The following MDM4 variants were observed in gnomAD, a reference collection of about 807,000 sequenced individuals.
MDM4 encodes protein Mdm4.
A neutral mutation model predicts 60.2 loss-of-function variants in MDM4; 2 were observed. The ratio of observed to expected loss-of-function variants is 0.03; its 90% CI spans 0.01 to 0.10. The LOEUF is 0.10. MDM4 is among the 10% of genes least tolerant of loss of function. The pLI is 1.00. For missense variants in MDM4, 447 were observed against 577.5 expected (o/e 0.77, Z 2.32); for synonymous variants, 202 against 198.1 (o/e 1.02, Z -0.17).
intron 9 of MDM4, among the ~76,000 whole-genome samples, chr1:204,546,026 TTC>T (rs1162181286): frequency 6.6e-6 from 1 of 152,168 alleles, no homozygotes; most frequent in Admixed American, 6.5e-5. Flanking sequence ...TTTTGTTTGT[TTC>T]TGTTTCTGTG....
chr1:204,553,977 A>T lies in MDM4; in HGVS notation c.*4295A>T, dbSNP rs1183010877. 1 of 224,906 alleles carries T rather than the reference A, an allele frequency of 4.4e-6. No individual in the cohort carries two copies. The highest frequency in any genetic ancestry group is 6.5e-5 in the East Asian group (1 of 15,472). The allele number at this position is 224,906 out of a possible 1,614,324, so 13.9% of individuals were successfully genotyped here. A position where few individuals can be genotyped will look rare whatever the true frequency, so the allele number is the denominator to read the frequency against. ...GTAATGTAAGATTGAGTCACTGCCA[A>T]GCATTTGAAATATGCAGTTGTGTTT... On this transcript the variant is annotated 3_prime_UTR_variant, in exon 11 of 11. Transcript: ENST00000367182.
intron 5 of MDM4, among the ~76,000 whole-genome samples, chr1:204,535,323 A>T (rs540086220): frequency 1.3e-4 from 20 of 151,674 alleles, no homozygotes; most frequent in African/African-American, 4.8e-4. Flanking sequence ...ATGCCTGGCT[A>T]ATTTTTTATA....
intron 1 of MDM4, among the ~76,000 whole-genome samples, chr1:204,518,889 C>T (rs1659267400): frequency 6.6e-6 from 1 of 152,230 alleles, no homozygotes; most frequent in Non-Finnish European, 1.5e-5. Context: ...TGGTCTTGAA[C>T]TCCTGGCCTC....
chr1:204,534,083 G>T (rs1370757981), intron 5 of MDM4, among the ~76,000 whole-genome samples: 1 of 152,150 alleles, frequency 6.6e-6, no homozygotes, highest in African/African-American at 2.4e-5. Context: ...ACCGCCCCCA[G>T]ACCTAAATCA....
chr1:204,541,213 C>A (rs1248396319), intron 7 of MDM4, among the ~76,000 whole-genome samples: 4 of 152,154 alleles, frequency 2.6e-5, no homozygotes, highest in Admixed American at 2.0e-4. Context: ...AATCCCAGCA[C>A]TTTGGGAGGC....
At chr1:204,521,640 C>A (rs1279856729) in intron 1 of MDM4, among the ~76,000 whole-genome samples, 1 of 152,150 alleles carries the variant, frequency 6.6e-6, no homozygotes, top group Non-Finnish European at 1.5e-5. Flanking sequence ...GGAATTGTCA[C>A]ATTATCACCT....
chr1:204,535,621 C>T (rs979944182), intron 5 of MDM4, among the ~76,000 whole-genome samples: 1 of 152,074 alleles, frequency 6.6e-6, no homozygotes, highest in African/African-American at 2.4e-5. Flanking sequence ...GCAACCTCTG[C>T]CTCCTGGGTT....
At chr1:204,522,879 TGA>T (rs1659707435) in intron 1 of MDM4, among the ~76,000 whole-genome samples, 1 of 146,948 alleles carries the variant, frequency 6.8e-6, no homozygotes, top group African/African-American at 2.5e-5. Context: ...TTTTTTTTTT[TGA>T]GATGGAGTTT....
At chr1:204,536,726 A>C (rs1459426717) in intron 5 of MDM4, among the ~76,000 whole-genome samples, 1 of 152,212 alleles carries the variant, frequency 6.6e-6, no homozygotes, top group East Asian at 1.9e-4. Flanking sequence ...GATTAATGTA[A>C]TATCTAAGAA....
chr1:204,529,580 G>A (rs1056868651), intron 3 of MDM4: 12 of 1,403,262 alleles, frequency 8.6e-6, no homozygotes, highest in South Asian at 1.4e-5. Flanking sequence ...GGGGTAGCAC[G>A]CTGCCATACT....
At position 204,554,050 on chromosome 1, in the gene MDM4, A is replaced by G. The variant is rs930271182; in HGVS notation, c.*4368A>G. On this transcript the variant is annotated 3_prime_UTR_variant, in exon 11 of 11. Coordinates refer to ENST00000367182, the MANE Select transcript of MDM4 (RefSeq NM_002393.5). ...AGATGTATGTAGTGCATTGTGTGGT[A>G]TTATTTGGTTTGTAAGAATTTATTT... 1.8e-5 allele frequency: 4 copies of G among 226,984 alleles called. No homozygotes were observed. The highest frequency in any genetic ancestry group is 8.9e-5 in the African/African-American group (4 of 45,012). The allele number at this position is 226,984 out of a possible 1,614,324, so 14.1% of individuals were successfully genotyped here.
chr1:204,537,547 T>G (rs779416117), intron 6 of MDM4, 50 bp downstream of exon 6: 4 of 1,311,674 alleles, frequency 3.0e-6, no homozygotes. Context: ...TGGCCCCTTC[T>G]CTGTACCTAT....
At chr1:204,530,255 C>T (rs1442640617) in intron 3 of MDM4, among the ~76,000 whole-genome samples, 1 of 152,176 alleles carries the variant, frequency 6.6e-6, no homozygotes, top group Non-Finnish European at 1.5e-5. Flanking sequence ...CATTGTACTT[C>T]ATTTGCCAAA....
In MDM4 at chr1:204,538,297, A is replaced by T. The variant is rs1244465537; in HGVS notation, c.500A>T (p.His167Leu). The change falls in exon 7 of 11, where the codon CAT becomes CTT. Residue 167 changes from histidine (H) to leucine (L), a missense_variant. His to Leu is a moderately conservative substitution (Grantham distance 99, BLOSUM62 -3). Around this residue, in one of 8 missense-constraint regions of MDM4, gnomAD observed 184 missense variants for 179.3 expected, o/e 1.03. Coordinates refer to ENST00000367182, the MANE Select transcript of MDM4 (RefSeq NM_002393.5). ...CCTACCTCAGAGCATAAATGCATAC[A>T]TTCTAGAGAAGGTATGTTTTGGATT... ...TLPTSEHKCIHSREDEDLIEN... is the reference protein window; with the variant it reads ...TLPTSEHKCILSREDEDLIEN... 6.4e-7 allele frequency: 1 copy of T among 1,558,132 alleles called. No individual in the cohort carries two copies. The highest frequency in any genetic ancestry group is 1.7e-5 in the Admixed American group (1 of 59,608).
At chr1:204,527,836 C>G (rs1660371224) in intron 3 of MDM4, among the ~76,000 whole-genome samples, 1 of 151,278 alleles carries the variant, frequency 6.6e-6, no homozygotes. Context: ...TCTAACCCTT[C>G]CTAAAGAGAA....
chr1:204,523,504 G>A (rs1216002854), intron 1 of MDM4, among the ~76,000 whole-genome samples: 9 of 25,146 alleles, frequency 3.6e-4, no homozygotes, highest in African/African-American at 6.9e-4. Context: ...TTTTTTTTGC[G>A]ACAGGGTATC....
At chr1:204,544,799 TTTAA>T (rs1662486078) in intron 9 of MDM4, 115 bp downstream of exon 9, 7 of 956,638 alleles carry the variant, frequency 7.3e-6, no homozygotes, top group East Asian at 5.5e-5. Context: ...CCTTTTTAAC[TTTAA>T]TTAATTTTTC....
intron 3 of MDM4, among the ~76,000 whole-genome samples, 185 bp from the exon 4 acceptor site, chr1:204,530,499 A>G (rs557682912): frequency 3.3e-5 from 5 of 152,200 alleles, no homozygotes; most frequent in Non-Finnish European, 7.3e-5. Context: ...CAGAAAGACA[A>G]TGAGTAGATG....
In MDM4 at chr1:204,551,467, T is replaced by G. The variant is rs1382853412; in HGVS notation, c.*1785T>G. The G allele has an allele frequency of 5.9e-3, 243 of 41,116 alleles. 1 individual carries two copies. Among genetic ancestry groups the G allele is most frequent in the Non-Finnish European group, 0.016 (210 of 13,306 alleles). 2.5% of individuals were successfully genotyped at this position (41,116 alleles called of 1,614,324 possible). A position where few individuals can be genotyped will look rare whatever the true frequency, so the allele number is the denominator to read the frequency against. ...GATGGTTGAGAGGCAGCCTCTTTTT[T>G]TTTTTTTTTTTTTTTTTTTTTTTGG... On this transcript the variant is annotated 3_prime_UTR_variant, in exon 11 of 11. Transcript: ENST00000367182.
Sources: allele counts gnomAD v4.1 joint callset (sites outside exome capture counted in the v4.1 genomes callset), GRCh38; gene constraint gnomAD v4.1.1; regional missense constraint gnomAD v4.1.1; transcripts MANE v1.5; gene names NCBI Gene and HGNC (gene_info 2026-07-23, HGNC 2026-07-21).